Variants in HFM1 observed in about 807,000 individuals in gnomAD.
HFM1 encodes the protein helicase for meiosis 1.
In HFM1, 169 loss-of-function variants were observed where a neutral mutation model predicts 192.1. That is an observed-to-expected ratio of 0.88 (90% confidence interval 0.78 to 1.00). HFM1 has a LOEUF of 1.00. Among genes scored for constraint, HFM1 ranks in the 50% least tolerant of loss-of-function variants. HFM1 has a pLI of 0.00. For synonymous variants in HFM1, 525 were observed against 537.8 expected, an observed-to-expected ratio of 0.98 and a Z score of 0.33; for missense variants, 1,661 against 1,668.0, an observed-to-expected ratio of 1.00 and a Z score of 0.07.
chr1:91,312,790 C>T (rs1650657745), intron 30 of HFM1, among the ~76,000 whole-genome samples: 1 of 152,012 alleles, frequency 6.6e-6, no homozygotes, highest in Non-Finnish European at 1.5e-5. Context: ...GGCTGTGTCC[C>T]CACCAAAATC....
Position 91,262,487 on chromosome 1 carries a change from T to C in HFM1, c.4080A>G (p.Ala1360=), listed in dbSNP as rs201894202. Residue 1360 remains alanine (A), a synonymous_variant, in exon 37 of 39, where the codon GCA becomes GCG. Coordinates refer to ENST00000370425, the MANE Select transcript of HFM1 (RefSeq NM_001017975.6). ...MTKLPQQAGN[A]VIVHFQERKP... The stretch of plus-strand genomic sequence containing the variant: ...AAGAAGTGCTTCTTCTTACAATAAC[T>C]GCATTTCCGGCTTGTTGAGGTAATT... The C allele has an allele frequency of 8.0e-5, 128 of 1,592,606 alleles. No homozygotes were observed. The African/African-American group carries it at 1.5e-3, about 19-fold the overall frequency.
chr1:91,316,560 TAAAA>T (rs767080020), intron 25 of HFM1, 84 bp from the exon 26 acceptor site: 1 of 429,354 alleles, frequency 2.3e-6, no homozygotes, highest in East Asian at 5.1e-5. Context: ...ACTAAATTAG[TAAAA>T]AAAAAAAATT....
At chr1:91,360,219 G>T (rs1364776793) in intron 13 of HFM1, among the ~76,000 whole-genome samples, 1 of 152,036 alleles carries the variant, frequency 6.6e-6, no homozygotes, top group Admixed American at 6.6e-5. Flanking sequence ...ATTGTAAATG[G>T]GCTAAATGCC....
chr1:91,284,499 G>A (rs773997636), intron 30 of HFM1, among the ~76,000 whole-genome samples: 4 of 152,170 alleles, frequency 2.6e-5, no homozygotes, highest in Non-Finnish European at 5.9e-5. Flanking sequence ...TGATCTGCCT[G>A]CCTTCGGCCT....
intron 34 of HFM1, among the ~76,000 whole-genome samples, chr1:91,273,238 A>G (rs1666481966): frequency 6.6e-6 from 1 of 152,068 alleles, no homozygotes; most frequent in Non-Finnish European, 1.5e-5. Context: ...TAAGAATTGG[A>G]GAGATATTAA....
chr1:91,261,970 A>G (rs1665204507), intron 38 of HFM1, among the ~76,000 whole-genome samples: 1 of 152,186 alleles, frequency 6.6e-6, no homozygotes, highest in African/African-American at 2.4e-5. Context: ...AAATTAACAT[A>G]CTGTATTCAA....
intron 13 of HFM1, among the ~76,000 whole-genome samples, chr1:91,370,285 A>C (rs1659990223): frequency 1.3e-5 from 2 of 152,028 alleles, no homozygotes; most frequent in Admixed American, 6.6e-5. Flanking sequence ...GAGACACAAC[A>C]AAAAAAGAGA....
intron 19 of HFM1, among the ~76,000 whole-genome samples, chr1:91,344,130 C>A (rs1655782101): frequency 6.6e-6 from 1 of 152,148 alleles, no homozygotes; most frequent in Non-Finnish European, 1.5e-5. Flanking sequence ...TTTTGTTTCT[C>A]TGACAGGAAG....
At chr1:91,268,364 C>T (rs1452112370) in intron 34 of HFM1, among the ~76,000 whole-genome samples, 2 of 151,818 alleles carry the variant, frequency 1.3e-5, no homozygotes, top group African/African-American at 4.8e-5. Context: ...ATTTATTTTT[C>T]TCCTGCTAAA....
intron 13 of HFM1, 105 bp from the exon 14 acceptor site, chr1:91,353,404 A>G: frequency 1.7e-6 from 1 of 603,204 alleles, no homozygotes. Context: ...AATTTTCACA[A>G]TATCATTATC....
At chr1:91,405,135 C>T (rs1664740468), upstream of HFM1, among the ~76,000 whole-genome samples, 1 of 152,136 alleles carries the variant, frequency 6.6e-6, no homozygotes, top group Non-Finnish European at 1.5e-5. Context: ...CAGGCCTCAG[C>T]TCTGGGACTT....
At chr1:91,388,193 A>C (rs1453857697) in intron 4 of HFM1, among the ~76,000 whole-genome samples, 1 of 152,136 alleles carries the variant, frequency 6.6e-6, no homozygotes, top group Non-Finnish European at 1.5e-5. Context: ...TAGGTCTCTG[A>C]GTCATTCTAG....
chr1:91,267,862 A>T lies in HFM1; in HGVS notation c.3773-7T>A, dbSNP rs1665913663. On this transcript the variant is annotated splice_polypyrimidine_tract_variant and splice_region_variant and intron_variant, in intron 34 of 38. Coordinates refer to ENST00000370425, the MANE Select transcript of HFM1 (RefSeq NM_001017975.6). The stretch of plus-strand genomic sequence containing the variant: ...AAGTTCACATTCAAAACTTCTGAAA[A>T]TAGAGAATTGCTTTTATCTGCATCT... The T allele has an allele frequency of 6.9e-7, 1 of 1,450,064 alleles. No homozygotes were observed. Among genetic ancestry groups the T allele is most frequent in the Non-Finnish European group, 9.5e-7 (1 of 1,050,688 alleles). 89.8% of individuals were successfully genotyped at this position (1,450,064 alleles called of 1,614,324 possible).
chr1:91,345,067 C>T (rs1390689414), intron 19 of HFM1, among the ~76,000 whole-genome samples: 4 of 152,212 alleles, frequency 2.6e-5, no homozygotes, highest in East Asian at 3.9e-4. Context: ...TTCTCATAAA[C>T]GCTACATATT....
At chr1:91,289,337 ACGGGATGACGGC>A (rs1474062565) in intron 30 of HFM1, among the ~76,000 whole-genome samples, 1 of 151,136 alleles carries the variant, frequency 6.6e-6, no homozygotes, top group African/African-American at 2.4e-5. Context: ...CACTTCCTAG[ACGGGATGACGGC>A]CAGGAAGAGA....
intron 3 of HFM1, among the ~76,000 whole-genome samples, chr1:91,396,086 C>G (rs1274033051): frequency 6.6e-6 from 1 of 152,012 alleles, no homozygotes; most frequent in Non-Finnish European, 1.5e-5. Context: ...CCACCTCGGC[C>G]TCCCAGACTT....
chr1:91,316,066 GAC>G (rs752044014), intron 27 of HFM1, 33 bp downstream of exon 27: 44 of 1,492,688 alleles, frequency 2.9e-5, no homozygotes, highest in Admixed American at 7.3e-5. Flanking sequence ...TTTCTGAAAA[GAC>G]AATAAAATAT....
At chr1:91,272,745 G>C (rs145540996) in intron 34 of HFM1, among the ~76,000 whole-genome samples, 43 of 152,060 alleles carry the variant, frequency 2.8e-4, no homozygotes, top group African/African-American at 9.6e-4. Context: ...AACTTTTCTT[G>C]ATCTCATTAT....
intron 18 of HFM1, among the ~76,000 whole-genome samples, chr1:91,350,074 T>C (rs1163214089): frequency 6.6e-6 from 1 of 152,168 alleles, no homozygotes. Context: ...AGTAAATGTA[T>C]TACCTAGTTG....
Sources: allele counts gnomAD v4.1 joint callset (sites outside exome capture counted in the v4.1 genomes callset), GRCh38; gene constraint gnomAD v4.1.1; transcripts MANE v1.5; gene names NCBI Gene and HGNC (gene_info 2026-07-23, HGNC 2026-07-21).